The following COL25A1 variants were observed in gnomAD, a reference collection of about 807,000 sequenced individuals.
The protein encoded by COL25A1 is collagen type XXV alpha 1 chain, also known as collagen alpha-1(XXV) chain.
COL25A1 carries 103 observed loss-of-function variants against 128.4 expected under a neutral mutation model. That is an observed-to-expected ratio of 0.80 (90% CI 0.68 to 0.94). The LOEUF (loss-of-function observed/expected upper bound fraction) is 0.94. Ranked by LOEUF, COL25A1 falls within the 40% of genes least tolerant of loss-of-function variation. The pLI is 0.00. For synonymous variants in COL25A1, 279 were observed against 277.2 expected (o/e 1.01, Z -0.06); for missense variants, 745 against 840.0 (o/e 0.89, Z 1.40).
intron 3 of COL25A1, among the ~76,000 whole-genome samples, chr4:109,211,204 T>C (rs1025871823): frequency 7.7e-6 from 1 of 129,480 alleles, no homozygotes; most frequent in Non-Finnish European, 1.5e-5. Flanking sequence ...AAAATATTTT[T>C]AAATACATAT....
chr4:109,036,316 C>A (rs1454782223), intron 5 of COL25A1, among the ~76,000 whole-genome samples: 1 of 152,026 alleles, frequency 6.6e-6, no homozygotes, highest in Non-Finnish European at 1.5e-5. Flanking sequence ...CAAATAAAAC[C>A]CAGGGGATAT....
chr4:108,909,983 C>T (rs1384849644), intron 13 of COL25A1, among the ~76,000 whole-genome samples: 1 of 152,152 alleles, frequency 6.6e-6, no homozygotes, highest in African/African-American at 2.4e-5. Flanking sequence ...GTGCACGTGC[C>T]AGCAGTATGG....
chr4:108,992,108 A>G (rs907969625), intron 6 of COL25A1, among the ~76,000 whole-genome samples: 2 of 152,172 alleles, frequency 1.3e-5, no homozygotes, highest in South Asian at 2.1e-4. Context: ...GTCCGATGGT[A>G]CTTGCTTGTG....
chr4:109,222,881 G>T (rs1169637885), intron 3 of COL25A1, among the ~76,000 whole-genome samples: 1 of 152,190 alleles, frequency 6.6e-6, no homozygotes, highest in Non-Finnish European at 1.5e-5. Flanking sequence ...TATCTGGAAA[G>T]AAATGTGATT....
In COL25A1 at chr4:108,860,968, C is replaced by T. The variant is rs755791304; in HGVS notation, c.1201G>A (p.Asp401Asn). The T allele has an allele frequency of 3.7e-6, 6 of 1,613,382 alleles. No homozygotes were observed. The highest frequency in any genetic ancestry group is 1.3e-5 in the African/African-American group (1 of 74,956). Residue 401 changes from aspartate to asparagine, a missense_variant, in exon 23 of 38, where the codon GAT becomes AAT. Coordinates refer to ENST00000399132, the MANE Select transcript of COL25A1 (RefSeq NM_198721.4). ...CCAGAGTCCCCTTTTTCTCCACGAT[C>T]CCCCTTTTCCCGTTGGAAAGAGAAA... Reference protein sequence around the residue: ...GTRGPKGSKGDRGEKGDSGAQ... With the variant: ...GTRGPKGSKGNRGEKGDSGAQ...
rs141205105 is a variant in COL25A1, at chr4:108,983,424, A to G, written c.439-8865T>C. On this transcript the variant is annotated intron_variant, in intron 6 of 37. Coordinates refer to ENST00000399132, the MANE Select transcript of COL25A1 (RefSeq NM_198721.4). Reference sequence around the variant, plus strand: ...GTTTATACCTTGGGTTTAATCTATAATTATCGATTTCAGCATGTTTCCTAA... The same window carrying G: ...GTTTATACCTTGGGTTTAATCTATAGTTATCGATTTCAGCATGTTTCCTAA... Among the ~76,000 whole-genome samples the G allele has an allele frequency of 1.0e-3, 155 of 152,284 alleles. 1 individual carries two copies. The highest frequency in any genetic ancestry group is 3.7e-3 in the African/African-American group (154 of 41,562).
At chr4:109,000,767 AAG>A (rs1313135583) in intron 6 of COL25A1, among the ~76,000 whole-genome samples, 9,423 of 61,572 alleles carry the variant, frequency 0.15, 1,780 homozygotes, top group Non-Finnish European at 0.2. Context: ...AAAAAAAAAA[AAG>A]AAAAAACTAT....
In COL25A1 at chr4:108,845,260, A is replaced by C; in HGVS notation, c.1516-9T>G. On this transcript the variant is annotated splice_polypyrimidine_tract_variant and intron_variant, in intron 28 of 37. Transcript: ENST00000399132. ...TTCATTCCATTGGCTCCCTATAAAT[A>C]ACCATTAAGCAGAGTTAAGCAGGTA... The C allele has an allele frequency of 6.2e-7, 1 of 1,611,648 alleles. No individual in the cohort carries two copies. The highest frequency in any genetic ancestry group is 8.5e-7 in the Non-Finnish European group (1 of 1,177,700).
chr4:109,184,609 G>A (rs943525785), intron 3 of COL25A1, among the ~76,000 whole-genome samples: 10 of 152,198 alleles, frequency 6.6e-5, no homozygotes, highest in Non-Finnish European at 1.3e-4. Context: ...AGGGCTGCCA[G>A]AACAAGTTAA....
At chr4:108,940,424 C>T in intron 10 of COL25A1, 115 bp downstream of exon 10, 2 of 837,594 alleles carry the variant, frequency 2.4e-6, no homozygotes, top group Non-Finnish European at 4.2e-6. Flanking sequence ...CCTCAACCCA[C>T]TCCACTCACT....
intron 3 of COL25A1, among the ~76,000 whole-genome samples, chr4:109,126,851 T>C (rs1055224946): frequency 6.6e-6 from 1 of 151,992 alleles, no homozygotes; most frequent in African/African-American, 2.4e-5. Flanking sequence ...GGCACATGTA[T>C]ACATATGTAA....
intron 19 of COL25A1, among the ~76,000 whole-genome samples, chr4:108,873,704 G>A (rs1341920089): frequency 6.6e-6 from 1 of 152,100 alleles, no homozygotes; most frequent in Non-Finnish European, 1.5e-5. Context: ...CTTTCAAGAA[G>A]TAACCCTAAA....
intron 8 of COL25A1, among the ~76,000 whole-genome samples, chr4:108,956,983 T>C (rs1750145721): frequency 6.6e-6 from 1 of 152,082 alleles, no homozygotes; most frequent in African/African-American, 2.4e-5. Flanking sequence ...GAGCTAATAG[T>C]AACAGTAAAA....
chr4:109,187,599 C>T (rs373706114), intron 3 of COL25A1, among the ~76,000 whole-genome samples: 17 of 152,136 alleles, frequency 1.1e-4, no homozygotes, highest in African/African-American at 3.1e-4. Flanking sequence ...TTCATACTTA[C>T]GTAGCATATT....
At chr4:109,225,048 A>C (rs768423089) in intron 3 of COL25A1, among the ~76,000 whole-genome samples, 2 of 152,200 alleles carry the variant, frequency 1.3e-5, no homozygotes, top group Non-Finnish European at 2.9e-5. Flanking sequence ...GGGAATCTGC[A>C]ATGTTAATTC....
chr4:109,018,425 T>A (rs1036336083), intron 5 of COL25A1, among the ~76,000 whole-genome samples: 1 of 152,158 alleles, frequency 6.6e-6, no homozygotes, highest in Non-Finnish European at 1.5e-5. Flanking sequence ...GGTTTCACCA[T>A]GTTCATCAGG....
intron 3 of COL25A1, among the ~76,000 whole-genome samples, chr4:109,136,551 G>T (rs1318666813): frequency 6.6e-6 from 1 of 152,228 alleles, no homozygotes; most frequent in Non-Finnish European, 1.5e-5. Context: ...TAGTACACAC[G>T]TGAGTTAGTC....
intron 3 of COL25A1, among the ~76,000 whole-genome samples, chr4:109,209,293 T>G (rs1339204025): frequency 6.6e-6 from 1 of 150,422 alleles, no homozygotes; most frequent in East Asian, 2.0e-4. Context: ...ATAGTAAAGA[T>G]TTCATTTTTA....
intron 19 of COL25A1, among the ~76,000 whole-genome samples, chr4:108,880,973 G>A (rs1410252462): frequency 1.3e-5 from 2 of 152,006 alleles, no homozygotes; most frequent in Non-Finnish European, 2.9e-5. Flanking sequence ...TAATTTTCTG[G>A]GCTCAAATCT....
Sources: gnomAD v4.1 joint callset for allele counts (sites outside exome capture counted in the v4.1 genomes callset) on GRCh38, gnomAD v4.1.1 for gene constraint, MANE v1.5 for transcripts, NCBI Gene and HGNC (gene_info 2026-07-23, HGNC 2026-07-21) for gene names.